EPHA6: variants seen among roughly 807,000 people sequenced by gnomAD.
EPHA6 encodes ephrin type-A receptor 6.
In EPHA6, 50 loss-of-function variants were observed where a neutral mutation model predicts 112.0. The ratio of observed to expected loss-of-function variants is 0.45; its 90% confidence interval spans 0.36 to 0.56. The LOEUF is 0.56. EPHA6 is among the 20% of genes least tolerant of loss of function. The pLI is 0.00. For synonymous variants in EPHA6, 529 were observed against 490.7 expected (o/e 1.08, Z -1.03); for missense variants, 1,280 against 1,417.4 (o/e 0.90, Z 1.56).
intron 3 of EPHA6, among the ~76,000 whole-genome samples, chr3:97,070,859 T>A (rs1050953694): frequency 6.6e-6 from 1 of 152,114 alleles, no homozygotes; most frequent in Non-Finnish European, 1.5e-5. Context: ...GTGAATCTGA[T>A]CTCAAAGTTT....
intron 6 of EPHA6, among the ~76,000 whole-genome samples, chr3:97,434,754 G>A (rs2089726376): frequency 6.6e-6 from 1 of 152,092 alleles, no homozygotes; most frequent in East Asian, 1.9e-4. Flanking sequence ...AGCAGAGGCA[G>A]CTCATCTCTG....
At chr3:97,659,636 G>C (rs2094157443) in intron 14 of EPHA6, among the ~76,000 whole-genome samples, 1 of 151,876 alleles carries the variant, frequency 6.6e-6, no homozygotes, top group Non-Finnish European at 1.5e-5. Context: ...AACAGTAAAA[G>C]GTTAAACCTG....
chr3:97,522,984 A>G (rs911313503), intron 10 of EPHA6, among the ~76,000 whole-genome samples: 1 of 151,908 alleles, frequency 6.6e-6, no homozygotes, highest in Non-Finnish European at 1.5e-5. Flanking sequence ...TCAAAAGAAA[A>G]CTTATTTAGT....
At chr3:97,326,201 G>A (rs2082412010) in intron 5 of EPHA6, among the ~76,000 whole-genome samples, 1 of 151,782 alleles carries the variant, frequency 6.6e-6, no homozygotes, top group African/African-American at 2.4e-5. Flanking sequence ...CAATTCATAG[G>A]CATATTATAA....
intron 16 of EPHA6, among the ~76,000 whole-genome samples, chr3:97,742,373 G>T (rs2035541199): frequency 3.3e-5 from 5 of 151,998 alleles, no homozygotes; most frequent in Admixed American, 1.3e-4. Flanking sequence ...CCATGTGCTG[G>T]GTACACTACT....
chr3:97,531,134 CT>C (rs1396612395), intron 10 of EPHA6, among the ~76,000 whole-genome samples: 2 of 152,014 alleles, frequency 1.3e-5, no homozygotes, highest in East Asian at 1.9e-4. Context: ...TAAATTGTCA[CT>C]TTTGATCTTC....
At chr3:96,935,549 T>G (rs1403803240) in intron 2 of EPHA6, among the ~76,000 whole-genome samples, 2 of 149,972 alleles carry the variant, frequency 1.3e-5, no homozygotes, top group African/African-American at 2.4e-5. Flanking sequence ...TAAACATTTT[T>G]GAAAATATAA....
chr3:97,689,799 C>A (rs1343672687), intron 14 of EPHA6, among the ~76,000 whole-genome samples: 1 of 152,120 alleles, frequency 6.6e-6, no homozygotes, highest in Non-Finnish European at 1.5e-5. Context: ...AGTCATTCCC[C>A]ATCCCCTTCC....
chr3:97,508,738 T>A (rs1209814617), intron 10 of EPHA6, among the ~76,000 whole-genome samples: 1 of 152,136 alleles, frequency 6.6e-6, no homozygotes, highest in Non-Finnish European at 1.5e-5. Flanking sequence ...AATTGATTTG[T>A]CTAACATTGA....
intron 5 of EPHA6, among the ~76,000 whole-genome samples, chr3:97,311,129 T>A (rs2081539866): frequency 6.6e-6 from 1 of 151,728 alleles, no homozygotes; most frequent in African/African-American, 2.4e-5. Context: ...ACTTGAAAAA[T>A]ATTTCCTCTA....
intron 3 of EPHA6, among the ~76,000 whole-genome samples, chr3:97,214,888 G>A (rs574211500): frequency 6.6e-6 from 1 of 152,102 alleles, no homozygotes; most frequent in Non-Finnish European, 1.5e-5. Flanking sequence ...GCTTTTGCTA[G>A]TAACTTGACA....
intron 3 of EPHA6, among the ~76,000 whole-genome samples, chr3:97,014,907 C>G (rs1485138597): frequency 1.3e-5 from 2 of 152,106 alleles, no homozygotes; most frequent in Admixed American, 6.6e-5. Flanking sequence ...GTGACAGCCT[C>G]TTTTCCCAGA....
chr3:96,941,752 A>G (rs975907745), intron 2 of EPHA6, among the ~76,000 whole-genome samples: 2 of 152,008 alleles, frequency 1.3e-5, no homozygotes, highest in Non-Finnish European at 2.9e-5. Context: ...GTCTTTGATG[A>G]TGGTGACGTA....
chr3:97,192,779 C>T (rs1410688498), intron 3 of EPHA6, among the ~76,000 whole-genome samples: 1 of 152,102 alleles, frequency 6.6e-6, no homozygotes. Context: ...CGTTTTTAAT[C>T]AATCTTTATT....
chr3:97,522,475 T>C (rs1362097240), intron 10 of EPHA6, among the ~76,000 whole-genome samples: 1 of 152,206 alleles, frequency 6.6e-6, no homozygotes. Flanking sequence ...TATTTTTTCA[T>C]CTACCTTCAT....
intron 5 of EPHA6, among the ~76,000 whole-genome samples, chr3:97,352,124 A>C (rs2083844946): frequency 6.6e-6 from 1 of 152,152 alleles, no homozygotes; most frequent in Non-Finnish European, 1.5e-5. Context: ...GTAGACCAGT[A>C]GATATTTTTT....
At chr3:97,002,487 A>G in intron 3 of EPHA6, among the ~76,000 whole-genome samples, 1 of 151,072 alleles carries the variant, frequency 6.6e-6, no homozygotes, top group East Asian at 1.9e-4. Flanking sequence ...GAGATATGTT[A>G]TAATAATATA....
In EPHA6 at chr3:97,050,516, A is replaced by G. The variant is rs545608673; in HGVS notation, c.1114+62523A>G. Among the ~76,000 whole-genome samples the G allele has an allele frequency of 3.9e-5, 6 of 152,294 alleles. No homozygotes were observed. In the East Asian group the frequency reaches 9.6e-4, roughly 24 times the overall value. ...TGTTTTTCAAAAATATGTTTCCCAT[A>G]AATAGACTGTGTTGCTTTGAGAGCA... On this transcript the variant is annotated intron_variant, in intron 3 of 17. Transcript: ENST00000389672.
intron 14 of EPHA6, among the ~76,000 whole-genome samples, chr3:97,713,657 AT>A (rs1433567208): frequency 6.6e-6 from 1 of 152,244 alleles, no homozygotes; most frequent in Non-Finnish European, 1.5e-5. Flanking sequence ...GCATGCATGC[AT>A]GTCTGTACAC....
Sources: allele counts gnomAD v4.1 joint callset (sites outside exome capture counted in the v4.1 genomes callset), GRCh38; gene constraint gnomAD v4.1.1; transcripts MANE v1.5; gene names NCBI Gene and HGNC (gene_info 2026-07-23, HGNC 2026-07-21).